ACADSB: variants seen among roughly 807,000 people sequenced by gnomAD.
The protein encoded by ACADSB is acyl-CoA dehydrogenase short/branched chain, also known as short/branched chain specific acyl-CoA dehydrogenase, mitochondrial.
A neutral mutation model predicts 54.1 loss-of-function variants in ACADSB; 40 were observed. That is an observed-to-expected ratio of 0.74 (90% CI 0.57 to 0.96). ACADSB has a LOEUF of 0.96. ACADSB is among the 40% of genes least tolerant of loss of function. ACADSB has a pLI of 0.00. For missense variants in ACADSB, 530 were observed against 510.4 expected, an observed-to-expected ratio of 1.04 and a Z score of -0.37; for synonymous variants, 182 against 182.8, an observed-to-expected ratio of 1.00 and a Z score of 0.03.
intron 1 of ACADSB, among the ~76,000 whole-genome samples, chr10:123,025,831 C>T (rs1046383297): frequency 7.2e-5 from 11 of 152,214 alleles, no homozygotes; most frequent in South Asian, 2.1e-4. Flanking sequence ...GAGGCAGAGG[C>T]GGGCAGATCA....
At chr10:123,048,821 C>G (rs937190349) in intron 8 of ACADSB, among the ~76,000 whole-genome samples, 1 of 152,104 alleles carries the variant, frequency 6.6e-6, no homozygotes, top group Non-Finnish European at 1.5e-5. Flanking sequence ...CTCTGCCTCC[C>G]AGGTTCACAC....
intron 1 of ACADSB, among the ~76,000 whole-genome samples, chr10:123,010,831 T>C (rs75865862): frequency 0.026 from 3,886 of 152,300 alleles, 356 homozygotes; most frequent in East Asian, 0.22. Flanking sequence ...GAGGAAAGGT[T>C]AGAACTATGT....
intron 1 of ACADSB, among the ~76,000 whole-genome samples, chr10:123,026,726 GAA>G (rs72138057): frequency 1.6e-4 from 23 of 148,326 alleles, no homozygotes; most frequent in South Asian, 2.2e-4. Context: ...ATTGCTAAAT[GAA>G]AAAAAAAAAG....
chr10:123,046,859 A>G (rs576630776), intron 7 of ACADSB, among the ~76,000 whole-genome samples: 6 of 152,352 alleles, frequency 3.9e-5, no homozygotes, highest in African/African-American at 1.4e-4. Flanking sequence ...CAAAACTTCT[A>G]TGGCTCATTT....
At position 123,047,228 on chromosome 10, in the gene ACADSB, G is replaced by A; in HGVS notation, c.920G>A (p.Gly307Glu). The A allele has an allele frequency of 6.2e-7, 1 of 1,608,952 alleles. No homozygotes were observed. The highest frequency in any genetic ancestry group is 8.5e-7 in the Non-Finnish European group (1 of 1,175,262). Reference protein sequence around the residue: ...IAAQMLGLAQGCFDYTIPYIK... With the variant: ...IAAQMLGLAQECFDYTIPYIK... Reference sequence around the variant, plus strand: ...TAACAGATGCTGGGACTGGCGCAAGGATGTTTTGACTACACTATTCCATAT... The same window carrying A: ...TAACAGATGCTGGGACTGGCGCAAGAATGTTTTGACTACACTATTCCATAT... Residue 307 changes from glycine (G) to glutamate (E), a missense_variant, in exon 8 of 11, where the codon GGA becomes GAA. Physicochemically the swap from Gly to Glu is moderately conservative, Grantham distance 98 (BLOSUM62 -2). Transcript: ENST00000358776.
At chr10:123,041,816 T>G (rs1850478193) in intron 5 of ACADSB, among the ~76,000 whole-genome samples, 1 of 152,150 alleles carries the variant, frequency 6.6e-6, no homozygotes, top group East Asian at 1.9e-4. Context: ...TACACCATTT[T>G]ATGTAAGGTA....
At chr10:123,048,895 A>G (rs1850593859) in intron 8 of ACADSB, among the ~76,000 whole-genome samples, 1 of 151,916 alleles carries the variant, frequency 6.6e-6, no homozygotes, top group East Asian at 1.9e-4. Flanking sequence ...CGCCCAGCTA[A>G]TTTTTTGTAT....
Position 123,009,034 on chromosome 10 carries a change from A to G in ACADSB, c.5A>G (p.Glu2Gly). 1 of 1,547,946 alleles carries G rather than the reference A, an allele frequency of 6.5e-7. No individual in the cohort carries two copies. Among genetic ancestry groups the G allele is most frequent in the South Asian group, 1.2e-5 (1 of 84,018 alleles). M[E>G]GLAVRLLRGS... ...GCGGAGAGGCCTGCGGCGAGGATGG[A>G]GGGCCTGGCAGTGCGGTTGCTGCGC... Residue 2 changes from glutamate (E) to glycine (G), a missense_variant, in exon 1 of 11, where the codon GAG (glutamate) becomes GGG (glycine). Coordinates refer to ENST00000358776, the MANE Select transcript of ACADSB (RefSeq NM_001609.4).
At chr10:123,029,400 C>G (rs944647312) in intron 1 of ACADSB, among the ~76,000 whole-genome samples, 2 of 151,920 alleles carry the variant, frequency 1.3e-5, no homozygotes, top group African/African-American at 4.8e-5. Flanking sequence ...ACACAGAACT[C>G]ACACTTCCAC....
intron 4 of ACADSB, 35 bp from the exon 5 acceptor site, chr10:123,041,174 T>TATAAATACAAATAAA: frequency 6.2e-7 from 1 of 1,604,504 alleles, no homozygotes; most frequent in Admixed American, 1.7e-5. Flanking sequence ...ATAAATACAG[T>TATAAATACAAATAAA]TATTAATTTG....
chr10:123,040,955 T>C (rs755328192), intron 4 of ACADSB, among the ~76,000 whole-genome samples: 1 of 152,252 alleles, frequency 6.6e-6, no homozygotes, highest in Non-Finnish European at 1.5e-5. Flanking sequence ...TACGTTGTGA[T>C]GTCTTTCTGC....
chr10:123,014,575 G>A (rs770520019), intron 1 of ACADSB, among the ~76,000 whole-genome samples: 1 of 152,204 alleles, frequency 6.6e-6, no homozygotes, highest in Non-Finnish European at 1.5e-5. Flanking sequence ...ATTGCCTTAC[G>A]CAAAGTACAC....
Position 123,009,756 on chromosome 10 carries a change from T to C in ACADSB, c.42+685T>C, listed in dbSNP as rs376895930. On this transcript the variant is annotated intron_variant, in intron 1 of 10. Coordinates refer to ENST00000358776, the MANE Select transcript of ACADSB (RefSeq NM_001609.4). ...AGCCTCTTGTTGTGCTTAATTCTTA[T>C]CTGTGCACCCACACAAACTGTTAAC... Among the ~76,000 whole-genome samples, 7 of 152,368 alleles carry C rather than the reference T, an allele frequency of 4.6e-5. No individual in the cohort carries two copies. In the East Asian group the frequency reaches 1.4e-3, roughly 29 times the overall value.
chr10:123,018,060 A>T (rs906499640), intron 1 of ACADSB, among the ~76,000 whole-genome samples: 1 of 152,094 alleles, frequency 6.6e-6, no homozygotes, highest in Admixed American at 6.6e-5. Context: ...TTCGACCCCC[A>T]CTTCCCATCA....
At chr10:123,053,635 ATTTC>A (rs1228889255) in intron 10 of ACADSB, 56 bp from the exon 11 acceptor site, 1 of 1,422,868 alleles carries the variant, frequency 7.0e-7, no homozygotes, top group African/African-American at 1.4e-5. Flanking sequence ...TTATAGAGCT[ATTTC>A]TTGTCTTAAC....
chr10:123,009,436 G>A (rs1849971499), intron 1 of ACADSB, among the ~76,000 whole-genome samples: 1 of 152,078 alleles, frequency 6.6e-6, no homozygotes, highest in African/African-American at 2.4e-5. Flanking sequence ...CCTCCCTGAT[G>A]CCCTAACGCA....
chr10:123,040,557 A>T lies in ACADSB; in HGVS notation c.395A>T (p.Asp132Val), dbSNP rs761645862. The part of the protein sequence containing the change: ...VLVIEELAKV[D>V]ASVAVFCEIQ... ...GTGATAGAGGAATTAGCCAAAGTTG[A>T]TGCATCTGTGGCTGTCTTTTGTGAG... The change falls in exon 4 of 11, where the codon GAT becomes GTT. Residue 132 changes from aspartate (D) to valine (V), a missense_variant. Physicochemically the swap from Asp to Val is radical, Grantham distance 152. Transcript: ENST00000358776. 2.5e-6 allele frequency: 4 copies of T among 1,613,912 alleles called. No individual in the cohort carries two copies. The South Asian group carries it at 4.4e-5, about 18-fold the overall frequency.
In ACADSB at chr10:123,053,994, A is replaced by AT. The variant is rs891378586; in HGVS notation, c.*236dup. On this transcript the variant is annotated 3_prime_UTR_variant, in exon 11 of 11. Coordinates refer to ENST00000358776, the MANE Select transcript of ACADSB (RefSeq NM_001609.4). The stretch of plus-strand genomic sequence containing the variant: ...TTAAACTTGGGAAATAAGCACCTGT[A>AT]TTTTTTTCCAAAACTGTTTTTAAAG... 1.3e-5 allele frequency: 8 copies of AT among 593,516 alleles called. No homozygotes were observed. The highest frequency in any genetic ancestry group is 3.0e-5 in the Admixed American group (1 of 33,706). The allele number at this position is 593,516 out of a possible 1,614,324, so 36.8% of individuals were successfully genotyped here. A position where few individuals can be genotyped will look rare whatever the true frequency, so the allele number is the denominator to read the frequency against.
intron 1 of ACADSB, among the ~76,000 whole-genome samples, chr10:123,028,636 C>T (rs1267612782): frequency 6.6e-6 from 1 of 152,110 alleles, no homozygotes; most frequent in Non-Finnish European, 1.5e-5. Flanking sequence ...GCACTCCATC[C>T]TTAGTGACAA....
Sources: allele counts gnomAD v4.1 joint callset (sites outside exome capture counted in the v4.1 genomes callset), GRCh38; gene constraint gnomAD v4.1.1; transcripts MANE v1.5; gene names NCBI Gene and HGNC (gene_info 2026-07-23, HGNC 2026-07-21).